The following CNTN4 variants were observed in gnomAD, a reference collection of about 807,000 sequenced individuals.
The protein encoded by CNTN4 is contactin 4.
A neutral mutation model predicts 122.5 loss-of-function variants in CNTN4; 77 were observed. That is an observed-to-expected ratio of 0.63 (90% CI 0.52 to 0.76). The LOEUF is 0.76. Ranked by LOEUF, CNTN4 falls within the 30% of genes least tolerant of loss-of-function variation. The probability of loss-of-function intolerance (pLI) is 0.00; values close to 1 mark genes in which losing one functional copy is unlikely to be tolerated. For missense variants in CNTN4, 1,256 were observed against 1,259.1 expected (o/e 1.00, Z 0.04); for synonymous variants, 512 against 447.0 (o/e 1.15, Z -1.83).
chr3:2,193,528 A>G (rs1263837428), intron 2 of CNTN4, among the ~76,000 whole-genome samples: 3 of 152,224 alleles, frequency 2.0e-5, no homozygotes, highest in Admixed American at 6.5e-5. Context: ...GTATGTGGCC[A>G]TAGACTGGAT....
chr3:2,798,146 C>G (rs1034410679), intron 6 of CNTN4, among the ~76,000 whole-genome samples: 1 of 147,676 alleles, frequency 6.8e-6, no homozygotes, highest in Non-Finnish European at 1.5e-5. Context: ...CGTTTTAGCT[C>G]TCACTTGAGA....
chr3:2,568,317 G>GGAA (rs1553562723), intron 3 of CNTN4, among the ~76,000 whole-genome samples: 36 of 71,056 alleles, frequency 5.1e-4, no homozygotes, highest in African/African-American at 1.8e-3. Flanking sequence ...GCAAGAATGT[G>GGAA]AAAAAAAAAA....
intron 2 of CNTN4, among the ~76,000 whole-genome samples, chr3:2,133,372 A>C (rs771742796): frequency 6.6e-6 from 1 of 152,150 alleles, no homozygotes; most frequent in Non-Finnish European, 1.5e-5. Flanking sequence ...ATGCATCTCT[A>C]TGAGGGGCAA....
chr3:2,211,499 C>T (rs191650725), intron 2 of CNTN4, among the ~76,000 whole-genome samples: 66 of 152,208 alleles, frequency 4.3e-4, no homozygotes, highest in African/African-American at 1.5e-3. Context: ...CTTCCCTTAT[C>T]AATAGAAAAC....
At position 2,821,036 on chromosome 3, in the gene CNTN4, A is replaced by C. The variant is rs527274324; in HGVS notation, c.454+1455A>C. 8.7e-5 allele frequency among the ~76,000 whole-genome samples: 12 copies of C among 137,438 alleles called. No homozygotes were observed. In the Admixed American group the frequency reaches 1.0e-3, roughly 12 times the overall value. 90.2% of individuals were successfully genotyped at this position (137,438 alleles called of 152,430 possible). On this transcript the variant is annotated intron_variant, in intron 7 of 24. Transcript: ENST00000418658. The stretch of plus-strand genomic sequence containing the variant: ...GAGTGTGGTGGTGCAATCTCGGCTC[A>C]CTGCAACCTCTGCCTCCCAGGTTCA...
At chr3:2,863,441 C>CTTGTTTTTTTT (rs2093690590) in intron 7 of CNTN4, among the ~76,000 whole-genome samples, 1 of 40,458 alleles carries the variant, frequency 2.5e-5, no homozygotes, top group African/African-American at 1.1e-4. Context: ...TCTATGGTTT[C>CTTGTTTTTTTT]TTCTTTTTTT....
intron 4 of CNTN4, among the ~76,000 whole-genome samples, chr3:2,719,242 A>G (rs2087688192): frequency 6.6e-6 from 1 of 152,040 alleles, no homozygotes. Context: ...CAATTTCTCC[A>G]TAGAGTGACC....
intron 3 of CNTN4, among the ~76,000 whole-genome samples, chr3:2,448,599 G>T (rs902538810): frequency 1.3e-5 from 2 of 152,152 alleles, no homozygotes; most frequent in Admixed American, 6.5e-5. Flanking sequence ...TTTATTAACA[G>T]CTCCCTTTTC....
chr3:2,179,690 A>G (rs557679402), intron 2 of CNTN4, among the ~76,000 whole-genome samples: 1 of 151,904 alleles, frequency 6.6e-6, no homozygotes, highest in African/African-American at 2.4e-5. Context: ...GACTGTGTTT[A>G]GTGAGATGAT....
chr3:2,374,031 C>G (rs1357342896), intron 3 of CNTN4, among the ~76,000 whole-genome samples: 1 of 150,772 alleles, frequency 6.6e-6, no homozygotes, highest in Non-Finnish European at 1.5e-5. Context: ...ATTAGGAGAA[C>G]TTTTGTTCTC....
At chr3:2,767,203 A>G (rs1280315262) in intron 6 of CNTN4, among the ~76,000 whole-genome samples, 1 of 152,230 alleles carries the variant, frequency 6.6e-6, no homozygotes, top group Non-Finnish European at 1.5e-5. Context: ...CTTTAGAGCT[A>G]AACATGCAAA....
intron 4 of CNTN4, among the ~76,000 whole-genome samples, chr3:2,659,962 T>C (rs1303589960): frequency 3.3e-5 from 5 of 152,224 alleles, no homozygotes; most frequent in Non-Finnish European, 7.3e-5. Flanking sequence ...CTATACCTTG[T>C]ACATGAAATC....
At chr3:2,863,700 G>A (rs2093694257) in intron 7 of CNTN4, among the ~76,000 whole-genome samples, 2 of 152,020 alleles carry the variant, frequency 1.3e-5, no homozygotes, top group African/African-American at 2.4e-5. Flanking sequence ...GATGGTTGTG[G>A]TGGTGGTAAT....
chr3:2,947,853 C>T (rs987423509), intron 13 of CNTN4, among the ~76,000 whole-genome samples: 5 of 152,308 alleles, frequency 3.3e-5, no homozygotes, highest in East Asian at 1.9e-4. Context: ...GTAGATAAAA[C>T]GGAGAATTAA....
rs17013574 is a variant in CNTN4, at chr3:2,385,353, T to A, written c.-89+46120T>A. Among the ~76,000 whole-genome samples the A allele has an allele frequency of 0.087, 13,182 of 152,166 alleles. 662 individuals are homozygous for A. Among genetic ancestry groups the A allele is most frequent in the Non-Finnish European group, 0.11 (7,452 of 68,008 alleles). ...TTTGTTTATATTACTCTTGTTGCAC[T>A]GAATAACCTATTAGCATACTTAAGG... On this transcript the variant is annotated intron_variant, in intron 3 of 24. Coordinates refer to ENST00000418658, the MANE Select transcript of CNTN4 (RefSeq NM_175607.3). This position sits in a 1 kb window ranked among gnomAD's most constrained non-coding sequence, Gnocchi z 4.0.
At chr3:2,431,323 T>G (rs1292045980) in intron 3 of CNTN4, among the ~76,000 whole-genome samples, 2 of 152,230 alleles carry the variant, frequency 1.3e-5, no homozygotes, top group Non-Finnish European at 2.9e-5. Flanking sequence ...TTGTGATTAT[T>G]TTCATTTCAT....
At chr3:2,949,265 A>G (rs140551325) in intron 13 of CNTN4, among the ~76,000 whole-genome samples, 2 of 152,324 alleles carry the variant, frequency 1.3e-5, no homozygotes, top group East Asian at 1.9e-4. Flanking sequence ...CATTCAAAAA[A>G]GACCTTGCTC....
chr3:2,369,873 C>A (rs2045566504), intron 3 of CNTN4, among the ~76,000 whole-genome samples: 1 of 152,072 alleles, frequency 6.6e-6, no homozygotes, highest in African/African-American at 2.4e-5. Context: ...TTAATTATTT[C>A]TCCTAACTAA....
chr3:2,740,945 A>G (rs17019611), intron 5 of CNTN4, among the ~76,000 whole-genome samples: 2,963 of 152,330 alleles, frequency 0.019, 113 homozygotes, highest in African/African-American at 0.067. Context: ...GTGTTTTTCA[A>G]ACAGAATTCC....
Sources: allele counts gnomAD v4.1 joint callset (sites outside exome capture counted in the v4.1 genomes callset), GRCh38; gene constraint gnomAD v4.1.1; non-coding constraint Gnocchi (gnomAD v3.1); transcripts MANE v1.5; gene names NCBI Gene and HGNC (gene_info 2026-07-23, HGNC 2026-07-21).